POU2F3: variants seen among roughly 807,000 people sequenced by gnomAD.
POU2F3 encodes the protein POU class 2 homeobox 3.
POU2F3 carries 23 observed loss-of-function variants against 59.2 expected under a neutral mutation model. That is an observed-to-expected ratio of 0.39 (90% CI 0.28 to 0.55). The LOEUF (loss-of-function observed/expected upper bound fraction) is 0.55, where lower values mean the gene tolerates loss of function less well. Ranked by LOEUF, POU2F3 falls within the 20% of genes least tolerant of loss-of-function variation. POU2F3 has a pLI of 0.66. For synonymous variants in POU2F3, 190 were observed against 214.6 expected, an observed-to-expected ratio of 0.89 and a Z score of 1.00; for missense variants, 473 against 544.5, an observed-to-expected ratio of 0.87 and a Z score of 1.31.
intron 12 of POU2F3, among the ~76,000 whole-genome samples, 200 bp from the exon 13 acceptor site, chr11:120,318,153 A>G (rs919881646): frequency 6.6e-6 from 1 of 152,196 alleles, no homozygotes; most frequent in South Asian, 2.1e-4. Flanking sequence ...ATATACCATA[A>G]AATTCACCGT....
chr11:120,294,416 G>A (rs1941126423), intron 3 of POU2F3, among the ~76,000 whole-genome samples: 1 of 152,232 alleles, frequency 6.6e-6, no homozygotes, highest in Non-Finnish European at 1.5e-5. Context: ...AGAGACCCTG[G>A]AGATGATCTT....
chr11:120,269,517 C>T (rs890237660), intron 3 of POU2F3, among the ~76,000 whole-genome samples: 2 of 152,176 alleles, frequency 1.3e-5, no homozygotes, highest in East Asian at 1.9e-4. Context: ...AAATCTAAGA[C>T]AAGAGCTCTT....
chr11:120,240,113 C>A, upstream of POU2F3: 1 of 1,157,118 alleles, frequency 8.6e-7, no homozygotes, highest in Non-Finnish European at 1.1e-6. Context: ...CGGCGGCCCC[C>A]GCCCCGCGCC....
At chr11:120,253,240 G>T (rs559407778) in intron 2 of POU2F3, among the ~76,000 whole-genome samples, 1 of 151,818 alleles carries the variant, frequency 6.6e-6, no homozygotes, top group African/African-American at 2.4e-5. Context: ...TGGAGTGCTT[G>T]GATGTGCTAT....
At chr11:120,291,245 G>A (rs1941008302) in intron 3 of POU2F3, among the ~76,000 whole-genome samples, 1 of 152,190 alleles carries the variant, frequency 6.6e-6, no homozygotes, top group African/African-American at 2.4e-5. Context: ...GCCAGAGTAG[G>A]CAACAATTTC....
chr11:120,304,620 A>G (rs563999258), intron 6 of POU2F3, among the ~76,000 whole-genome samples: 4 of 128,504 alleles, frequency 3.1e-5, no homozygotes, highest in African/African-American at 1.1e-4. Flanking sequence ...AACAAAAAAC[A>G]AAAAAACAAA....
At chr11:120,318,094 C>CAT (rs201721510) in intron 12 of POU2F3, among the ~76,000 whole-genome samples, 1,669 of 152,224 alleles carry the variant, frequency 0.011, 18 homozygotes, top group South Asian at 0.024. Flanking sequence ...GAAAGAGGAC[C>CAT]ATATAATATA....
At chr11:120,303,840 A>G (rs924460236) in intron 6 of POU2F3, 1 of 152,192 alleles carries the variant, frequency 6.6e-6, no homozygotes, top group Non-Finnish European at 1.5e-5. Flanking sequence ...TTAGTCTACA[A>G]AAAGTAAATC....
At chr11:120,300,206 T>A (rs12290383) in intron 5 of POU2F3, among the ~76,000 whole-genome samples, 20,002 of 152,164 alleles carry the variant, frequency 0.13, 1,688 homozygotes, top group Admixed American at 0.27. Flanking sequence ...GCAGGGAAGT[T>A]ACTCGCAGAG....
At chr11:120,262,959 T>G (rs931918358) in intron 2 of POU2F3, among the ~76,000 whole-genome samples, 2 of 127,724 alleles carry the variant, frequency 1.6e-5, no homozygotes, top group African/African-American at 7.1e-5. Flanking sequence ...TTCTTATTTA[T>G]TTAATTTATT....
intron 3 of POU2F3, among the ~76,000 whole-genome samples, chr11:120,273,557 C>T (rs1185990875): frequency 2.0e-5 from 3 of 152,054 alleles, no homozygotes; most frequent in Admixed American, 2.0e-4. Flanking sequence ...GGCAGTAAGG[C>T]GCTACTAGGT....
At chr11:120,238,491 AG>A (rs751670482), upstream of POU2F3, among the ~76,000 whole-genome samples, 141 of 152,154 alleles carry the variant, frequency 9.3e-4, no homozygotes, top group Middle Eastern at 0.014. Flanking sequence ...GTTACCAACC[AG>A]GGGGTAAGCT....
At chr11:120,296,598 C>G (rs1941199185) in intron 3 of POU2F3, among the ~76,000 whole-genome samples, 1 of 152,162 alleles carries the variant, frequency 6.6e-6, no homozygotes, top group East Asian at 1.9e-4. Context: ...TTGTTCCCCT[C>G]TATGTATTCT....
chr11:120,270,532 A>G (rs1295000943), intron 3 of POU2F3, among the ~76,000 whole-genome samples: 1 of 152,178 alleles, frequency 6.6e-6, no homozygotes, highest in South Asian at 2.1e-4. Context: ...AGAAAGGGAG[A>G]TGGCAAGAAG....
intron 2 of POU2F3, among the ~76,000 whole-genome samples, chr11:120,268,952 C>G (rs1001687435): frequency 6.6e-6 from 1 of 152,194 alleles, no homozygotes; most frequent in African/African-American, 2.4e-5. Flanking sequence ...TCCCCACAGA[C>G]TCTGATTTGC....
intron 2 of POU2F3, among the ~76,000 whole-genome samples, chr11:120,252,812 A>G (rs183646101): frequency 1.9e-4 from 29 of 152,272 alleles, no homozygotes; most frequent in African/African-American, 6.5e-4. Context: ...GCAGGATTGT[A>G]TGGTTCAGAT....
intron 2 of POU2F3, among the ~76,000 whole-genome samples, chr11:120,263,384 T>C (rs1278376071): frequency 6.6e-6 from 1 of 152,232 alleles, no homozygotes; most frequent in Non-Finnish European, 1.5e-5. Context: ...ACTTTGTATT[T>C]ATTCCTGTTA....
chr11:120,314,722 G>A (rs2135138004), intron 10 of POU2F3, among the ~76,000 whole-genome samples: 1 of 152,278 alleles, frequency 6.6e-6, no homozygotes, highest in South Asian at 2.1e-4. Flanking sequence ...CAGTGAGGGG[G>A]AGGTTCCTGA....
At chr11:120,302,447 C>T in intron 6 of POU2F3, 79 bp downstream of exon 6, 1 of 1,383,950 alleles carries the variant, frequency 7.2e-7, no homozygotes, top group Non-Finnish European at 1.0e-6. Context: ...TTCCCCCTAC[C>T]CCTTTAACAG....
Sources: gnomAD v4.1 joint callset for allele counts (sites outside exome capture counted in the v4.1 genomes callset) on GRCh38, gnomAD v4.1.1 for gene constraint, MANE v1.5 for transcripts, NCBI Gene and HGNC (gene_info 2026-07-23, HGNC 2026-07-21) for gene names.